PRODH2: variants seen among roughly 807,000 people sequenced by gnomAD.
PRODH2 encodes proline dehydrogenase 2.
PRODH2 carries 49 observed loss-of-function variants against 51.9 expected under a neutral mutation model. The ratio of observed to expected loss-of-function variants is 0.94; its 90% CI spans 0.75 to 1.20. The LOEUF (loss-of-function observed/expected upper bound fraction) is 1.20, where lower values mean the gene tolerates loss of function less well. Ranked by LOEUF, PRODH2 falls within the 50% of genes most tolerant of loss-of-function variation. The probability of loss-of-function intolerance (pLI) is 0.00; values close to 1 mark genes in which losing one functional copy is unlikely to be tolerated. For missense variants in PRODH2, 597 were observed against 610.9 expected (o/e 0.98, Z 0.24); for synonymous variants, 249 against 260.7 (o/e 0.96, Z 0.43).
At chr19:35,800,468 C>T (rs1437719906) in intron 9 of PRODH2, among the ~76,000 whole-genome samples, 2 of 151,984 alleles carry the variant, frequency 1.3e-5, no homozygotes, top group African/African-American at 4.8e-5. Flanking sequence ...AGGCTGGTCT[C>T]GAACTCCTGA....
At position 35,812,777 on chromosome 19, in the gene PRODH2, G is replaced by A; in HGVS notation, c.29C>T (p.Ser10Phe). The change falls in exon 1 of 10, where the codon TCC becomes TTC. Residue 10 changes from serine (S) to phenylalanine (F), a missense_variant. Ser to Phe is a radical substitution (Grantham distance 155). Coordinates refer to ENST00000653904, the MANE Select transcript of PRODH2 (RefSeq NM_021232.2). MLRTCYVLCSQAGPPSRGWQ... is the reference protein window; with the variant it reads MLRTCYVLCFQAGPPSRGWQ... ...GCCCCTGGAGGGGGGACCAGCTTGGGAACAGAGCACGTAACAGGTCCGGAG... is the reference window on the plus strand; with the variant it reads ...GCCCCTGGAGGGGGGACCAGCTTGGAAACAGAGCACGTAACAGGTCCGGAG... 6.2e-7 allele frequency: 1 copy of A among 1,605,850 alleles called. No homozygotes were observed. Among genetic ancestry groups the A allele is most frequent in the Non-Finnish European group, 8.5e-7 (1 of 1,175,060 alleles).
chr19:35,800,821 T>C (rs190665459), intron 9 of PRODH2, among the ~76,000 whole-genome samples: 29 of 152,072 alleles, frequency 1.9e-4, no homozygotes, highest in Non-Finnish European at 4.1e-4. Flanking sequence ...GCCTCCTGAA[T>C]AGCTGGGACC....
chr19:35,803,457 G>A (rs957308714), intron 7 of PRODH2, among the ~76,000 whole-genome samples: 1 of 152,086 alleles, frequency 6.6e-6, no homozygotes. Flanking sequence ...GTTTCGCCAT[G>A]TTGCCCAGGC....
At chr19:35,800,719 G>T (rs943496255) in intron 9 of PRODH2, among the ~76,000 whole-genome samples, 21 of 151,738 alleles carry the variant, frequency 1.4e-4, no homozygotes, top group Admixed American at 2.6e-4. Context: ...CTTAGACAGG[G>T]TCTAGCCCTG....
rs1319296561 is a variant in PRODH2 at position 35,812,355 on chromosome 19, C to G, written c.371+5G>C. On this transcript the variant is annotated splice_donor_5th_base_variant and intron_variant, in intron 2 of 9. Transcript: ENST00000653904. ...AGCCTCCCTGGGCCCTGGCTCCCTA[C>G]TCACCCACTCTTGGCAGCAGAGTCC... The G allele has an allele frequency of 6.2e-7, 1 of 1,611,624 alleles. No homozygotes were observed. The highest frequency in any genetic ancestry group is 8.5e-7 in the Non-Finnish European group (1 of 1,178,118).
chr19:35,810,593 T>C (rs409792), intron 4 of PRODH2, among the ~76,000 whole-genome samples: 118,518 of 151,282 alleles, frequency 0.78, 47,642 homozygotes, highest in East Asian at 0.98. Flanking sequence ...ACGATCTCGG[T>C]TTACTGCAAC....
chr19:35,804,656 G>C (rs1477386335), intron 7 of PRODH2, among the ~76,000 whole-genome samples: 1 of 152,236 alleles, frequency 6.6e-6, no homozygotes, highest in Admixed American at 6.5e-5. Flanking sequence ...CACAGTTGTG[G>C]CTGGACATGC....
In PRODH2 at chr19:35,802,202, G is replaced by A. The variant is rs752072538; in HGVS notation, c.1187C>T (p.Ser396Phe). 1.2e-6 allele frequency: 2 copies of A among 1,614,100 alleles called. No individual in the cohort carries two copies. The highest frequency in any genetic ancestry group is 1.7e-5 in the Admixed American group (1 of 60,010). ...GQLLGMCDHV[S>F]LALGQAGYVV... ...AGCCATTCACATACCCAGTGCTAGAGAGACGTGGTCACACATGCCCAGAAG... is the reference window on the plus strand; with the variant it reads ...AGCCATTCACATACCCAGTGCTAGAAAGACGTGGTCACACATGCCCAGAAG... Residue 396 changes from serine (S) to phenylalanine (F), a missense_variant, in exon 9 of 10, where the codon TCT (serine) becomes TTT (phenylalanine). Physicochemically the swap from Ser to Phe is radical, Grantham distance 155. Transcript: ENST00000653904.
Position 35,806,600 on chromosome 19 carries a change from T to C in PRODH2, c.835-4A>G, listed in dbSNP as rs372981574. The C allele has an allele frequency of 1.3e-5, 21 of 1,614,012 alleles. No homozygotes were observed. The highest frequency in any genetic ancestry group is 2.2e-5 in the East Asian group (1 of 44,890). On this transcript the variant is annotated splice_region_variant and splice_polypyrimidine_tract_variant and intron_variant, in intron 6 of 9. Transcript: ENST00000653904. ...TCCCCAGCCGCTCGAATGTGTCCTATAGGGCACGCAGGCAGGTTCTGGTAG... is the reference window on the plus strand; with the variant it reads ...TCCCCAGCCGCTCGAATGTGTCCTACAGGGCACGCAGGCAGGTTCTGGTAG...
At chr19:35,801,248 C>CTGAGGTCAGGAGTT (rs1260077967) in intron 9 of PRODH2, among the ~76,000 whole-genome samples, 1 of 151,736 alleles carries the variant, frequency 6.6e-6, no homozygotes, top group African/African-American at 2.4e-5. Flanking sequence ...GGCAGATCAC[C>CTGAGGTCAGGAGTT]TGAGGTCAGG....
intron 4 of PRODH2, among the ~76,000 whole-genome samples, chr19:35,811,229 A>G (rs886444027): frequency 6.6e-6 from 1 of 152,062 alleles, no homozygotes; most frequent in African/African-American, 2.4e-5. Context: ...CTGGCAAAAC[A>G]AAATCATAGA....
chr19:35,809,954 G>A (rs1363155234), intron 4 of PRODH2, among the ~76,000 whole-genome samples: 1 of 25,364 alleles, frequency 3.9e-5, no homozygotes, highest in Non-Finnish European at 7.8e-5. Context: ...GCCAGATGCC[G>A]CTTCAAAAAA....
Position 35,800,882 on chromosome 19 carries a change from GATTA to G in PRODH2, c.1199-664_1199-661del, listed in dbSNP as rs951308365. Among the ~76,000 whole-genome samples, 18 of 151,958 alleles carry G rather than the reference GATTA, an allele frequency of 1.2e-4. No individual in the cohort carries two copies. In the South Asian group the frequency reaches 2.9e-3, roughly 25 times the overall value. ...TAACTGTTTTTATTTTATCTCAATT[GATTA>G]ATTAATTAATTAATTAATTTTGAGA... On this transcript the variant is annotated intron_variant, in intron 9 of 9. Coordinates refer to ENST00000653904, the MANE Select transcript of PRODH2 (RefSeq NM_021232.2).
chr19:35,812,127 T>G lies in PRODH2; in HGVS notation c.510+7A>C, dbSNP rs1206505345. The G allele has an allele frequency of 1.2e-6, 2 of 1,613,514 alleles. No homozygotes were observed. Among genetic ancestry groups the G allele is most frequent in the African/African-American group, 2.7e-5 (2 of 75,036 alleles). ...CCTCCCCGCACCCCCGTCTTTGCACTCCTTACACAGAGCCGAGTACTGGTC... is the reference window on the plus strand; with the variant it reads ...CCTCCCCGCACCCCCGTCTTTGCACGCCTTACACAGAGCCGAGTACTGGTC... On this transcript the variant is annotated splice_region_variant and intron_variant, in intron 3 of 9. Transcript: ENST00000653904.
At chr19:35,806,280 C>A in intron 7 of PRODH2, 150 bp downstream of exon 7, 1 of 962,268 alleles carries the variant, frequency 1.0e-6, no homozygotes, top group Non-Finnish European at 1.5e-6. Context: ...GATGGGGTCT[C>A]CCTGTGTTGC....
intron 9 of PRODH2, among the ~76,000 whole-genome samples, chr19:35,801,291 C>A (rs1972422582): frequency 6.6e-6 from 1 of 151,892 alleles, no homozygotes; most frequent in South Asian, 2.1e-4. Flanking sequence ...CATGGTAAGA[C>A]CCCATCTCTA....
At chr19:35,803,136 TG>T (rs1972459982) in intron 7 of PRODH2, 58 bp from the exon 8 acceptor site, 3 of 1,209,600 alleles carry the variant, frequency 2.5e-6, no homozygotes, top group Admixed American at 5.1e-5. Flanking sequence ...CCCCAGCGAC[TG>T]GGGTGGGTGG....
Position 35,800,064 on chromosome 19 carries a change from G to C in PRODH2, c.1357C>G (p.Pro453Ala). Residue 453 changes from proline (P) to alanine (A), a missense_variant, in exon 10 of 10, where the codon CCA (proline) becomes GCA (alanine). Transcript: ENST00000653904. ...LSQELWRRLLPGCRRIPH is the reference protein window; with the variant it reads ...LSQELWRRLLAGCRRIPH The stretch of plus-strand genomic sequence containing the variant: ...TAGTGGGGTATCCTTCGGCATCCTG[G>C]CAGCAGCCGCCGCCACAGTTCTTGG... 6.2e-7 allele frequency: 1 copy of C among 1,611,562 alleles called. No homozygotes were observed. Among genetic ancestry groups the C allele is most frequent in the Non-Finnish European group, 8.5e-7 (1 of 1,179,224 alleles).
At chr19:35,810,768 G>A (rs539444695) in intron 4 of PRODH2, among the ~76,000 whole-genome samples, 123 of 152,138 alleles carry the variant, frequency 8.1e-4, no homozygotes, top group African/African-American at 2.8e-3. Flanking sequence ...TAATCCATCC[G>A]CCTCAGCCTC....
Sources: allele counts gnomAD v4.1 joint callset (sites outside exome capture counted in the v4.1 genomes callset), GRCh38; gene constraint gnomAD v4.1.1; transcripts MANE v1.5; gene names NCBI Gene and HGNC (gene_info 2026-07-23, HGNC 2026-07-21).